CLASP2: variants seen among roughly 807,000 people sequenced by gnomAD.
CLASP2 encodes cytoplasmic linker associated protein 2, also known as CLIP-associating protein 2.
CLASP2 carries 47 observed loss-of-function variants against 194.4 expected under a neutral mutation model. The ratio of observed to expected loss-of-function variants is 0.24; its 90% CI spans 0.19 to 0.31. The LOEUF (loss-of-function observed/expected upper bound fraction) is 0.31. CLASP2 is among the 10% of genes least tolerant of loss of function. The pLI, the probability that CLASP2 is intolerant of heterozygous loss-of-function variation, is 1.00. For missense variants in CLASP2, 1,445 were observed against 1,823.6 expected (o/e 0.79, Z 3.78); for synonymous variants, 619 against 633.5 (o/e 0.98, Z 0.34).
chr3:33,588,231 T>C (rs1430363570), intron 21 of CLASP2, among the ~76,000 whole-genome samples: 3 of 152,152 alleles, frequency 2.0e-5, no homozygotes, highest in African/African-American at 4.8e-5. Context: ...GAATTATTCA[T>C]ACTTGGAAAA....
chr3:33,534,856 A>T (rs897126711), intron 34 of CLASP2, among the ~76,000 whole-genome samples: 2 of 152,224 alleles, frequency 1.3e-5, no homozygotes, highest in African/African-American at 4.8e-5. Flanking sequence ...TTATGACTTC[A>T]TGCTTAAAGG....
At chr3:33,671,602 G>A (rs189128844) in intron 6 of CLASP2, among the ~76,000 whole-genome samples, 5 of 152,288 alleles carry the variant, frequency 3.3e-5, no homozygotes, top group Admixed American at 3.3e-4. Context: ...AGGTCAGTGG[G>A]TACAGCGCAC....
chr3:33,518,108 T>G (rs1254160993), intron 34 of CLASP2, among the ~76,000 whole-genome samples: 1 of 152,264 alleles, frequency 6.6e-6, no homozygotes, highest in African/African-American at 2.4e-5. Context: ...CTGATTATCC[T>G]GAAATACAGT....
At chr3:33,534,675 A>C (rs921365069) in intron 34 of CLASP2, among the ~76,000 whole-genome samples, 1 of 152,158 alleles carries the variant, frequency 6.6e-6, no homozygotes, top group Admixed American at 6.5e-5. Context: ...AATCATCATC[A>C]TCCTCTTTTG....
chr3:33,535,140 G>T, intron 34 of CLASP2, 93 bp downstream of exon 34: 2 of 812,272 alleles, frequency 2.5e-6, no homozygotes, highest in Non-Finnish European at 3.9e-6. Flanking sequence ...GTTACTTTTT[G>T]GGAGTTATAA....
At position 33,673,867 on chromosome 3, in the gene CLASP2, G is replaced by C. The variant is rs568586335; in HGVS notation, c.645-10352C>G. Among the ~76,000 whole-genome samples, 1,395 of 152,258 alleles carry C rather than the reference G, an allele frequency of 9.2e-3. 21 individuals are homozygous for C. Among genetic ancestry groups the C allele is most frequent in the African/African-American group, 0.032 (1,331 of 41,534 alleles). ...AAGAAGGCCATTACATAATGGTAAA[G>C]GGATCAATTCAACAAGAAGAGCTAA... On this transcript the variant is annotated intron_variant, in intron 6 of 38. Transcript: ENST00000682230.
intron 37 of CLASP2, among the ~76,000 whole-genome samples, chr3:33,506,203 T>C (rs2048122498): frequency 6.6e-6 from 1 of 151,602 alleles, no homozygotes; most frequent in Admixed American, 6.6e-5. Flanking sequence ...TGAAACCTTG[T>C]CTCTACTAAA....
At chr3:33,645,642 G>T in intron 7 of CLASP2, 1 of 275,494 alleles carries the variant, frequency 3.6e-6, no homozygotes, top group East Asian at 6.7e-5. Flanking sequence ...TAAAGGCTTA[G>T]AAATCTGTTT....
At chr3:33,688,786 C>CT (rs543255244) in intron 3 of CLASP2, among the ~76,000 whole-genome samples, 12 of 151,046 alleles carry the variant, frequency 7.9e-5, no homozygotes, top group Non-Finnish European at 1.2e-4. Context: ...GGAACAGGCG[C>CT]TTTTTTTTTG....
rs774602926 is a variant in CLASP2, at chr3:33,498,622, T to A, written c.*9A>T. The stretch of plus-strand genomic sequence containing the variant: ...TTTTGAGAGACCTGGTTCGCTGTGA[T>A]GAGCTTCACTAACTTTGTCCAGAAA... On this transcript the variant is annotated 3_prime_UTR_variant, in exon 39 of 39. Coordinates refer to ENST00000682230, the MANE Select transcript of CLASP2 (RefSeq NM_001365631.1). The A allele has an allele frequency of 4.4e-6, 7 of 1,596,812 alleles. No individual in the cohort carries two copies. The South Asian group carries it at 7.8e-5, about 18-fold the overall frequency.
At chr3:33,617,677 A>G (rs2076417310) in intron 12 of CLASP2, among the ~76,000 whole-genome samples, 1 of 151,988 alleles carries the variant, frequency 6.6e-6, no homozygotes, top group Non-Finnish European at 1.5e-5. Flanking sequence ...CAGAATTAAT[A>G]TCCTTGATAT....
intron 18 of CLASP2, among the ~76,000 whole-genome samples, chr3:33,601,316 G>C (rs529737757): frequency 6.6e-6 from 1 of 152,224 alleles, no homozygotes; most frequent in African/African-American, 2.4e-5. Flanking sequence ...TAACTTTTGT[G>C]TTATAGTTAC....
At chr3:33,593,997 C>T (rs947911729) in intron 20 of CLASP2, among the ~76,000 whole-genome samples, 7 of 152,176 alleles carry the variant, frequency 4.6e-5, no homozygotes, top group African/African-American at 1.7e-4. Context: ...GACGGTGCCA[C>T]CACACCCAGC....
At chr3:33,564,984 G>A (rs972581672) in intron 27 of CLASP2, among the ~76,000 whole-genome samples, 2 of 151,996 alleles carry the variant, frequency 1.3e-5, no homozygotes, top group African/African-American at 4.8e-5. Flanking sequence ...TGAACTACAT[G>A]CTTTTAAACT....
chr3:33,527,777 C>A (rs966184217), intron 34 of CLASP2, among the ~76,000 whole-genome samples: 6 of 152,088 alleles, frequency 3.9e-5, no homozygotes, highest in African/African-American at 7.2e-5. Flanking sequence ...GCCTGGCCAA[C>A]ATAGTTAAAA....
intron 22 of CLASP2, among the ~76,000 whole-genome samples, chr3:33,583,569 A>G (rs575257167): frequency 3.3e-5 from 5 of 152,342 alleles, no homozygotes; most frequent in East Asian, 3.9e-4. Flanking sequence ...GAACAAGTAC[A>G]TAAGACTTGC....
At chr3:33,532,176 A>G (rs533835751) in intron 34 of CLASP2, among the ~76,000 whole-genome samples, 49 of 152,230 alleles carry the variant, frequency 3.2e-4, no homozygotes, top group Non-Finnish European at 5.9e-4. Flanking sequence ...CACACAATGG[A>G]GTATTATTCA....
intron 27 of CLASP2, among the ~76,000 whole-genome samples, chr3:33,564,637 C>G (rs2062362211): frequency 1.3e-5 from 2 of 152,150 alleles, no homozygotes; most frequent in Admixed American, 1.3e-4. Context: ...GTCACCCAGT[C>G]TGCAGTACAG....
rs950580926 is a variant in CLASP2, at chr3:33,496,333, A to G, written c.*2298T>C. On this transcript the variant is annotated 3_prime_UTR_variant, in exon 39 of 39. Coordinates refer to ENST00000682230, the MANE Select transcript of CLASP2 (RefSeq NM_001365631.1). Reference sequence around the variant, plus strand: ...ATTAATAATTAATTTGGGAGAGAATAGCAGGAGGAAAAATATAAACAGTAG... The same window carrying G: ...ATTAATAATTAATTTGGGAGAGAATGGCAGGAGGAAAAATATAAACAGTAG... 4 of 152,218 alleles carry G rather than the reference A, an allele frequency of 2.6e-5. No individual in the cohort carries two copies. Among genetic ancestry groups the G allele is most frequent in the Non-Finnish European group, 4.4e-5 (3 of 68,036 alleles). The allele number at this position is 152,218 out of a possible 1,614,324, so 9.4% of individuals were successfully genotyped here. A position where few individuals can be genotyped will look rare whatever the true frequency, so the allele number is the denominator to read the frequency against.
Sources: allele counts gnomAD v4.1 joint callset (sites outside exome capture counted in the v4.1 genomes callset), GRCh38; gene constraint gnomAD v4.1.1; transcripts MANE v1.5; gene names NCBI Gene and HGNC (gene_info 2026-07-23, HGNC 2026-07-21).